PPP2R3B: variants seen among roughly 807,000 people sequenced by gnomAD.
PPP2R3B encodes the protein serine/threonine-protein phosphatase 2A regulatory subunit B'' subunit beta.
A neutral mutation model predicts 72.9 loss-of-function variants in PPP2R3B; 68 were observed. The observed-to-expected ratio is 0.93, with a 90% CI of 0.77 to 1.14. The LOEUF (loss-of-function observed/expected upper bound fraction) is 1.14. Among genes scored for constraint, PPP2R3B ranks in the 50% most tolerant of loss-of-function variants. PPP2R3B has a pLI of 0.00. For missense variants in PPP2R3B, 1,018 were observed against 842.0 expected, an observed-to-expected ratio of 1.21 and a Z score of -2.59; for synonymous variants, 466 against 375.8, an observed-to-expected ratio of 1.24 and a Z score of -2.78.
intron 7 of PPP2R3B, 199 bp downstream of exon 7, chrX:345,317 G>GCA: frequency 2.5e-6 from 2 of 790,192 alleles, no homozygotes; most frequent in Non-Finnish European, 2.1e-6. Flanking sequence ...GGGCAGAGGC[G>GCA]CACGCGGGGA....
At chrX:335,946 C>T (rs2070877912) in intron 12 of PPP2R3B, 1 of 152,080 alleles carries the variant, frequency 6.6e-6, no homozygotes, top group Non-Finnish European at 1.5e-5. Flanking sequence ...CGGGGAGAAC[C>T]CTCGAGCTCA....
intron 5 of PPP2R3B, 64 bp from the exon 6 acceptor site, chrX:346,324 G>A (rs2071211904): frequency 6.7e-7 from 1 of 1,486,318 alleles, no homozygotes. Flanking sequence ...CCCGCACGGA[G>A]ACCGGGAGCC....
In PPP2R3B at chrX:334,338, GC is replaced by G; in HGVS notation, c.*28del. ...GCCCGGTGGTGGCACGTGGGGAGCG[GC>G]CCCGCGGCGGCGTTCTCGCGGGCGG... On this transcript the variant is annotated 3_prime_UTR_variant, in exon 13 of 13. Coordinates refer to ENST00000390665, the MANE Select transcript of PPP2R3B (RefSeq NM_013239.5). 1 of 1,456,306 alleles carries G rather than the reference GC, an allele frequency of 6.9e-7. No individual in the cohort carries two copies. Among genetic ancestry groups the G allele is most frequent in the Non-Finnish European group, 9.0e-7 (1 of 1,109,706 alleles). 90.2% of individuals were successfully genotyped at this position (1,456,306 alleles called of 1,614,324 possible). A position where few individuals can be genotyped will look rare whatever the true frequency, so the allele number is the denominator to read the frequency against.
intron 8 of PPP2R3B, 67 bp from the exon 9 acceptor site, chrX:341,463 C>T: frequency 1.3e-6 from 2 of 1,543,222 alleles, no homozygotes. Context: ...GAACGGAGCC[C>T]CTGTCCACGC....
At position 338,659 on chromosome X, in the gene PPP2R3B, C is replaced by T. The variant is rs376098305; in HGVS notation, c.1522G>A (p.Glu508Lys). ...ELSDWEKYAA[E>K]EYDILVAEET... is the part of the protein sequence containing the mutation. ...TCGGCCACCAGGATGTCGTACTCCTCGGCCGCGTACTTCTCCCAGTCCGAG... is the reference window on the plus strand; with the variant it reads ...TCGGCCACCAGGATGTCGTACTCCTTGGCCGCGTACTTCTCCCAGTCCGAG... Residue 508 changes from glutamate (E) to lysine (K), a missense_variant, in exon 12 of 13, where the codon GAG (glutamate) becomes AAG (lysine). Coordinates refer to ENST00000390665, the MANE Select transcript of PPP2R3B (RefSeq NM_013239.5). The T allele has an allele frequency of 1.4e-5, 23 of 1,611,360 alleles. No homozygotes were observed. Among genetic ancestry groups the T allele is most frequent in the Middle Eastern group, 1.9e-4 (1 of 5,338 alleles).
At chrX:375,060 C>T (rs755065214) in intron 1 of PPP2R3B, among the ~76,000 whole-genome samples, 1 of 152,248 alleles carries the variant, frequency 6.6e-6, no homozygotes, top group South Asian at 2.1e-4. Context: ...ACCACAGCCC[C>T]CCACCCGCAA....
intron 2 of PPP2R3B, among the ~76,000 whole-genome samples, chrX:350,396 C>T (rs1345912778): frequency 2.0e-5 from 3 of 152,180 alleles, no homozygotes; most frequent in Non-Finnish European, 2.9e-5. Context: ...ACCGCCCCAG[C>T]GCAGGACTCA....
intron 7 of PPP2R3B, 40 bp downstream of exon 7, chrX:345,476 G>T (rs774516748): frequency 6.2e-7 from 1 of 1,610,792 alleles, no homozygotes; most frequent in South Asian, 1.1e-5. Context: ...GGGTGTGCTC[G>T]GTGTCCGCGC....
intron 1 of PPP2R3B, among the ~76,000 whole-genome samples, chrX:372,506 G>C (rs955855799): frequency 6.6e-6 from 1 of 152,148 alleles, no homozygotes. Context: ...GATCAGATTC[G>C]GCCGCAGCCA....
In PPP2R3B at chrX:345,642, T is replaced by C; in HGVS notation, c.910A>G (p.Ile304Val). 3.1e-6 allele frequency: 5 copies of C among 1,612,988 alleles called. No homozygotes were observed. Among genetic ancestry groups the C allele is most frequent in the Non-Finnish European group, 4.2e-6 (5 of 1,179,500 alleles). Residue 304 changes from isoleucine (I) to valine (V), a missense_variant, in exon 7 of 13, where the codon ATC (isoleucine) becomes GTC (valine). Ile to Val is a conservative substitution (Grantham distance 29). Transcript: ENST00000390665. ...NVALLEEEAD[I>V]NQLTEFFSYE... The stretch of plus-strand genomic sequence containing the variant: ...GAGAAGAATTCGGTCAGCTGGTTGA[T>C]GTCCGCCTCCTCCTCCAGCAGCGCC...
At chrX:384,638 G>C (rs1374704826) in intron 1 of PPP2R3B, among the ~76,000 whole-genome samples, 3 of 151,952 alleles carry the variant, frequency 2.0e-5, no homozygotes, top group African/African-American at 7.3e-5. Context: ...GTCAGATCCT[G>C]ATGAACAGAC....
rs1218528522 is a variant in PPP2R3B at position 386,728 on chromosome X, CGCCCCGCCCCGCCCCGGGGGCTT to C, written c.-60_-38del. 2.7e-5 allele frequency: 32 copies of C among 1,184,838 alleles called. No homozygotes were observed. In the Admixed American group the frequency reaches 7.7e-4, roughly 29 times the overall value. The allele number at this position is 1,184,838 out of a possible 1,614,324, so 73.4% of individuals were successfully genotyped here. A position where few individuals can be genotyped will look rare whatever the true frequency, so the allele number is the denominator to read the frequency against. On this transcript the variant is annotated 5_prime_UTR_variant, in exon 1 of 13. Transcript: ENST00000390665. The stretch of plus-strand genomic sequence containing the variant: ...GGCCCGCGGCGCCCCCGGACGCCCG[CGCCCCGCCCCGCCCCGGGGGCTT>C]CGGTCCGCCCCGGACCGACCTCGGT...
chrX:363,930 A>G lies in PPP2R3B; in HGVS notation c.325-2340T>C, dbSNP rs188222669. ...GGTACACAAACCAACCTTCCTGATG[A>G]AAACTGCCAAGAACCCTGGACAGAA... On this transcript the variant is annotated intron_variant, in intron 1 of 12. Transcript: ENST00000390665. Among the ~76,000 whole-genome samples the G allele has an allele frequency of 3.9e-5, 6 of 152,366 alleles. No individual in the cohort carries two copies. The East Asian group carries it at 1.2e-3, about 29-fold the overall frequency.
In PPP2R3B at chrX:361,495, G is replaced by A. The variant is rs776346158; in HGVS notation, c.420C>T (p.Asn140=). The stretch of plus-strand genomic sequence containing the variant: ...CGATCTTGCTGATGACGGCATCCAC[G>A]TTGACGGAGTCCTGCGGGCGTCCTC... ...FPRGRPQDSV[N]VDAVISKIES... is the part of the protein sequence containing the mutation. The change falls in exon 2 of 13, where the codon AAC becomes AAT. Residue 140 remains asparagine (N), a synonymous_variant. Coordinates refer to ENST00000390665, the MANE Select transcript of PPP2R3B (RefSeq NM_013239.5). 2.0e-5 allele frequency: 33 copies of A among 1,614,012 alleles called. 1 individual carries two copies. Among genetic ancestry groups the A allele is most frequent in the Admixed American group, 1.0e-4 (6 of 60,018 alleles).
intron 1 of PPP2R3B, among the ~76,000 whole-genome samples, chrX:363,479 C>A (rs2071596256): frequency 6.6e-6 from 1 of 150,600 alleles, no homozygotes; most frequent in Non-Finnish European, 1.5e-5. Context: ...ATGCATCTCC[C>A]CGAGCCCAGC....
At chrX:370,667 CCTGCCTTCTCCCTGCCA>C (rs2071839992) in intron 1 of PPP2R3B, among the ~76,000 whole-genome samples, 1 of 152,196 alleles carries the variant, frequency 6.6e-6, no homozygotes. Flanking sequence ...GAACCCAAGC[CCTGCCTTCTCCCTGCCA>C]CTGCCCAGGG....
intron 1 of PPP2R3B, among the ~76,000 whole-genome samples, chrX:364,516 A>AC (rs2071646100): frequency 1.8e-5 from 2 of 110,014 alleles, no homozygotes; most frequent in African/African-American, 8.1e-5. Flanking sequence ...TAAAAAAAAA[A>AC]AAAACAAAAA....
rs754560146 is a variant in PPP2R3B, at chrX:370,209, G to A, written c.325-8619C>T. 9.2e-5 allele frequency among the ~76,000 whole-genome samples: 14 copies of A among 152,350 alleles called. No homozygotes were observed. In the East Asian group the frequency reaches 2.7e-3, roughly 29 times the overall value. Reference sequence around the variant, plus strand: ...TGTGGGTTTAAAAATCCCCTCTCTAGCAAAGAGGGAGAACTGGTGTGGAGG... The same window carrying A: ...TGTGGGTTTAAAAATCCCCTCTCTAACAAAGAGGGAGAACTGGTGTGGAGG... On this transcript the variant is annotated intron_variant, in intron 1 of 12. Transcript: ENST00000390665.
chrX:386,419 G>T lies in PPP2R3B; in HGVS notation c.273C>A (p.Pro91=). 7.6e-7 allele frequency: 1 copy of T among 1,319,410 alleles called. No homozygotes were observed. The highest frequency in any genetic ancestry group is 9.7e-7 in the Non-Finnish European group (1 of 1,029,290). The allele number at this position is 1,319,410 out of a possible 1,614,324, so 81.7% of individuals were successfully genotyped here. The part of the protein sequence containing the change: ...PALPLGAASS[P]RNAPHVRGTR... ...TGCCTCGAACGTGGGGCGCGTTCCT[G>T]GGGCTGGAGGCGGCGCCCAGGGGCA... The change falls in exon 1 of 13, where the codon CCC becomes CCA. Residue 91 remains proline, a synonymous_variant. Coordinates refer to ENST00000390665, the MANE Select transcript of PPP2R3B (RefSeq NM_013239.5).
Sources: allele counts gnomAD v4.1 joint callset (sites outside exome capture counted in the v4.1 genomes callset), GRCh38; gene constraint gnomAD v4.1.1; transcripts MANE v1.5; gene names NCBI Gene and HGNC (gene_info 2026-07-23, HGNC 2026-07-21).